The following SPAG16 variants were observed in gnomAD, a reference collection of about 807,000 sequenced individuals.
SPAG16 encodes the protein sperm associated antigen 16.
Under a neutral mutation model 80.4 loss-of-function variants are expected in SPAG16, and 86 were observed. The ratio of observed to expected loss-of-function variants is 1.07; its 90% CI spans 0.90 to 1.28. The LOEUF (loss-of-function observed/expected upper bound fraction) is 1.28. Among genes scored for constraint, SPAG16 ranks in the 50% most tolerant of loss-of-function variants. SPAG16 has a pLI of 0.00. For synonymous variants in SPAG16, 294 were observed against 265.9 expected, an observed-to-expected ratio of 1.11 and a Z score of -1.03; for missense variants, 870 against 765.3, an observed-to-expected ratio of 1.14 and a Z score of -1.61.
chr2:213,344,457 C>T (rs1253437073), intron 6 of SPAG16, among the ~76,000 whole-genome samples: 1 of 151,800 alleles, frequency 6.6e-6, no homozygotes, highest in Non-Finnish European at 1.5e-5. Context: ...TATACATGTG[C>T]CATGTTGGTG....
chr2:213,761,341 G>A (rs1375436361), intron 10 of SPAG16, among the ~76,000 whole-genome samples: 1 of 152,102 alleles, frequency 6.6e-6, no homozygotes, highest in East Asian at 1.9e-4. Context: ...GCTTTACAAT[G>A]TATGGAACTA....
intron 10 of SPAG16, among the ~76,000 whole-genome samples, chr2:213,661,173 GT>G (rs1342196257): frequency 6.6e-6 from 1 of 152,138 alleles, no homozygotes; most frequent in Non-Finnish European, 1.5e-5. Flanking sequence ...TTAAATATAT[GT>G]TTGGTGTGCA....
chr2:213,779,158 T>C (rs2069786992), intron 10 of SPAG16, among the ~76,000 whole-genome samples: 1 of 152,218 alleles, frequency 6.6e-6, no homozygotes, highest in Non-Finnish European at 1.5e-5. Context: ...TTGAGAATAT[T>C]GCTACTCCAT....
At chr2:213,492,469 G>C (rs1384120509) in intron 10 of SPAG16, among the ~76,000 whole-genome samples, 1 of 151,988 alleles carries the variant, frequency 6.6e-6, no homozygotes, top group African/African-American at 2.4e-5. Flanking sequence ...AGAATGGCAT[G>C]AACCCGGGAG....
intron 10 of SPAG16, among the ~76,000 whole-genome samples, chr2:213,767,655 T>TCACATACA (rs2069010452): frequency 6.8e-6 from 1 of 147,666 alleles, no homozygotes; most frequent in Non-Finnish European, 1.5e-5. Context: ...ACAACATACT[T>TCACATACA]CACACACACA....
chr2:213,833,716 A>C (rs553432333), intron 10 of SPAG16, among the ~76,000 whole-genome samples: 1 of 140,580 alleles, frequency 7.1e-6, no homozygotes, highest in Non-Finnish European at 1.5e-5. Flanking sequence ...ACCACGTAAA[A>C]CAAACTATTT....
intron 12 of SPAG16, among the ~76,000 whole-genome samples, chr2:213,945,278 CACAA>C (rs1220610188): frequency 7.6e-6 from 1 of 131,662 alleles, no homozygotes; most frequent in Non-Finnish European, 1.6e-5. Flanking sequence ...TATATATATA[CACAA>C]ACACACACAT....
At chr2:213,782,318 A>G (rs1279659427) in intron 10 of SPAG16, among the ~76,000 whole-genome samples, 7 of 152,148 alleles carry the variant, frequency 4.6e-5, no homozygotes. Context: ...ACAATGATGT[A>G]AAAGATTATA....
intron 10 of SPAG16, among the ~76,000 whole-genome samples, chr2:213,844,029 G>A (rs1050154138): frequency 1.1e-4 from 17 of 152,156 alleles, no homozygotes; most frequent in African/African-American, 3.4e-4. Flanking sequence ...ATGGGTGGCA[G>A]TAATGTTAGA....
intron 6 of SPAG16, among the ~76,000 whole-genome samples, chr2:213,340,683 A>G (rs1432431066): frequency 6.6e-6 from 1 of 152,202 alleles, no homozygotes; most frequent in Non-Finnish European, 1.5e-5. Flanking sequence ...TACGTTCATC[A>G]AATTGTGTAC....
chr2:214,239,918 A>G (rs904492274), intron 15 of SPAG16: 2 of 151,874 alleles, frequency 1.3e-5, no homozygotes, highest in Non-Finnish European at 2.9e-5. Flanking sequence ...ATTCTCATTG[A>G]AAAAAAATGA....
At chr2:214,059,186 CTATATATATA>C (rs36006046) in intron 13 of SPAG16, among the ~76,000 whole-genome samples, 14,690 of 114,338 alleles carry the variant, frequency 0.13, 1,062 homozygotes, top group Non-Finnish European at 0.15. Flanking sequence ...CTCTCTCTGT[CTATATATATA>C]TATATATATA....
At chr2:213,380,717 C>T (rs2067127850) in intron 9 of SPAG16, among the ~76,000 whole-genome samples, 1 of 152,154 alleles carries the variant, frequency 6.6e-6, no homozygotes, top group South Asian at 2.1e-4. Context: ...CAGAAGATGG[C>T]AGGGCCTTGC....
intron 9 of SPAG16, among the ~76,000 whole-genome samples, chr2:213,468,537 ATATATATATGTATT>A (rs2072872000): frequency 8.2e-6 from 1 of 121,730 alleles, no homozygotes; most frequent in African/African-American, 4.1e-5. Context: ...ATATATAGAT[ATATATATATGTATT>A]TATATATAGA....
chr2:213,328,070 A>G (rs1259000615), intron 5 of SPAG16, among the ~76,000 whole-genome samples: 1 of 152,258 alleles, frequency 6.6e-6, no homozygotes, highest in South Asian at 2.1e-4. Context: ...AGAATTTCCT[A>G]TATTGAATAT....
chr2:213,468,715 T>C (rs2072898462), intron 9 of SPAG16, among the ~76,000 whole-genome samples: 1 of 149,022 alleles, frequency 6.7e-6, no homozygotes, highest in Non-Finnish European at 1.5e-5. Flanking sequence ...TATCTGTGTA[T>C]ATATATGTGT....
At chr2:213,402,373 A>G (rs1202131109) in intron 9 of SPAG16, among the ~76,000 whole-genome samples, 3 of 151,962 alleles carry the variant, frequency 2.0e-5, no homozygotes, top group Non-Finnish European at 4.4e-5. Flanking sequence ...TACATTGTTT[A>G]TATTCTTATC....
chr2:213,581,066 A>G (rs1462835598), intron 10 of SPAG16, among the ~76,000 whole-genome samples: 1 of 152,154 alleles, frequency 6.6e-6, no homozygotes, highest in Non-Finnish European at 1.5e-5. Flanking sequence ...CAGTCTTACA[A>G]GTTAAAACCC....
intron 12 of SPAG16, among the ~76,000 whole-genome samples, chr2:213,930,538 A>G (rs1428509356): frequency 6.6e-6 from 1 of 152,218 alleles, no homozygotes; most frequent in Admixed American, 6.5e-5. Flanking sequence ...ACGTAAATAT[A>G]ACAGAAATAA....
Sources: gnomAD v4.1 joint callset for allele counts (sites outside exome capture counted in the v4.1 genomes callset) on GRCh38, gnomAD v4.1.1 for gene constraint, MANE v1.5 for transcripts, NCBI Gene and HGNC (gene_info 2026-07-23, HGNC 2026-07-21) for gene names.